The following DCDC1 variants were observed in gnomAD, a reference collection of about 807,000 sequenced individuals.
DCDC1 encodes the protein doublecortin domain-containing protein 1.
In DCDC1, 200 loss-of-function variants were observed where a neutral mutation model predicts 178.3. That is an observed-to-expected ratio of 1.12 (90% CI 1.00 to 1.26). DCDC1 has a LOEUF of 1.26. DCDC1 is among the 50% of genes most tolerant of loss of function. The probability of loss-of-function intolerance (pLI) is 0.00; values close to 1 mark genes in which losing one functional copy is unlikely to be tolerated. For missense variants in DCDC1, 1,983 were observed against 1,749.2 expected, an observed-to-expected ratio of 1.13 and a Z score of -2.38; for synonymous variants, 690 against 604.8, an observed-to-expected ratio of 1.14 and a Z score of -2.07.
chr11:31,057,265 A>AGGGAGGG (rs1565229600), intron 20 of DCDC1, among the ~76,000 whole-genome samples: 1 of 128,224 alleles, frequency 7.8e-6, no homozygotes, highest in African/African-American at 3.0e-5. Context: ...GGAAGGAAGG[A>AGGGAGGG]AGGGAGGGAG....
chr11:31,156,131 A>G (rs139285188), intron 9 of DCDC1: 212 of 152,344 alleles, frequency 1.4e-3, no homozygotes, highest in African/African-American at 4.9e-3. Flanking sequence ...AGGATAAAAT[A>G]TATGAACTTA....
At chr11:31,021,295 T>A (rs1459267110) in intron 20 of DCDC1, among the ~76,000 whole-genome samples, 1 of 152,220 alleles carries the variant, frequency 6.6e-6, no homozygotes, top group Non-Finnish European at 1.5e-5. Flanking sequence ...GAGACAGCAT[T>A]GATTTAAAAA....
chr11:31,133,823 C>A (rs1347464137), intron 10 of DCDC1, among the ~76,000 whole-genome samples: 4 of 152,164 alleles, frequency 2.6e-5, no homozygotes, highest in African/African-American at 7.2e-5. Context: ...CCTGCCTCAG[C>A]CTCCTGAGTA....
chr11:31,120,258 T>C (rs765193211), intron 11 of DCDC1, among the ~76,000 whole-genome samples: 83 of 152,246 alleles, frequency 5.5e-4, no homozygotes, highest in Non-Finnish European at 1.2e-3. Flanking sequence ...AGCCTAAAAA[T>C]GTCTCCAAAT....
chr11:31,122,138 T>C (rs1260354946), intron 11 of DCDC1, among the ~76,000 whole-genome samples: 2 of 152,058 alleles, frequency 1.3e-5, no homozygotes, highest in Non-Finnish European at 2.9e-5. Flanking sequence ...ATGAGTTGAT[T>C]CTGGAATTAA....
At chr11:31,043,026 T>C (rs2135362057) in intron 20 of DCDC1, among the ~76,000 whole-genome samples, 1 of 152,226 alleles carries the variant, frequency 6.6e-6, no homozygotes, top group East Asian at 1.9e-4. Context: ...TCTGAGATGG[T>C]ATCGCCTACT....
chr11:31,087,772 G>A (rs1957570676), intron 17 of DCDC1, among the ~76,000 whole-genome samples: 1 of 152,032 alleles, frequency 6.6e-6, no homozygotes, highest in East Asian at 1.9e-4. Flanking sequence ...AACATGCTAT[G>A]TACTTTAAAA....
chr11:31,307,515 A>G, intron 4 of DCDC1, 124 bp downstream of exon 4: 1 of 1,356,588 alleles, frequency 7.4e-7, no homozygotes, highest in Non-Finnish European at 9.9e-7. Flanking sequence ...CAAAAACAAA[A>G]ACAAAACCCG....
chr11:31,365,826 C>A (rs1166825496), intron 1 of DCDC1, among the ~76,000 whole-genome samples: 2 of 152,120 alleles, frequency 1.3e-5, no homozygotes, highest in African/African-American at 4.8e-5. Flanking sequence ...TTTGCCTATC[C>A]TTTTAATTTA....
At chr11:31,346,889 A>T (rs1377564810) in intron 1 of DCDC1, among the ~76,000 whole-genome samples, 1 of 152,234 alleles carries the variant, frequency 6.6e-6, no homozygotes, top group Non-Finnish European at 1.5e-5. Context: ...AATATTTTAA[A>T]CAAATCATAT....
At chr11:30,967,960 A>C (rs909112136) in intron 20 of DCDC1, among the ~76,000 whole-genome samples, 12 of 152,154 alleles carry the variant, frequency 7.9e-5, no homozygotes, top group Non-Finnish European at 1.6e-4. Flanking sequence ...GAAAAGAATG[A>C]ATATTAGTAG....
chr11:30,885,893 T>G (rs1397939224), intron 36 of DCDC1, among the ~76,000 whole-genome samples: 1 of 152,156 alleles, frequency 6.6e-6, no homozygotes, highest in Non-Finnish European at 1.5e-5. Flanking sequence ...TGTATCAATA[T>G]GTTCATTGCA....
At chr11:31,366,703 A>G (rs1024970230) in intron 1 of DCDC1, among the ~76,000 whole-genome samples, 3 of 152,188 alleles carry the variant, frequency 2.0e-5, no homozygotes, top group Middle Eastern at 3.2e-3. Context: ...AAAGTCAATC[A>G]CTGAGACAAT....
chr11:30,984,152 G>C lies in DCDC1; in HGVS notation c.2592-31584C>G, dbSNP rs550061702. Among the ~76,000 whole-genome samples the C allele has an allele frequency of 1.1e-4, 16 of 152,234 alleles. No homozygotes were observed. The East Asian group carries it at 3.1e-3, about 29-fold the overall frequency. On this transcript the variant is annotated intron_variant, in intron 20 of 38. Coordinates refer to ENST00000684477, the MANE Select transcript of DCDC1 (RefSeq NM_001387274.1). ...CAAAAATAAATGGAGTTTATTCCAT[G>C]GTTTTTAGAGTTTATTTCACGAAGA...
At chr11:31,132,818 A>G (rs1447775903) in intron 10 of DCDC1, among the ~76,000 whole-genome samples, 1 of 152,230 alleles carries the variant, frequency 6.6e-6, no homozygotes, top group Non-Finnish European at 1.5e-5. Flanking sequence ...GAAATGCAGC[A>G]CGGAAGTGAC....
chr11:30,944,257 G>T, intron 21 of DCDC1: 1 of 447,442 alleles, frequency 2.2e-6, no homozygotes. Flanking sequence ...CTTCCTTGTT[G>T]ACTCATAGCT....
At chr11:31,145,476 A>G (rs1014222085) in intron 9 of DCDC1, among the ~76,000 whole-genome samples, 1 of 152,054 alleles carries the variant, frequency 6.6e-6, no homozygotes, top group Non-Finnish European at 1.5e-5. Flanking sequence ...CGACATTCAC[A>G]CTCTGCTCTA....
At chr11:31,075,562 AT>A (rs1162809716) in intron 18 of DCDC1, among the ~76,000 whole-genome samples, 3 of 151,968 alleles carry the variant, frequency 2.0e-5, no homozygotes, top group Non-Finnish European at 4.4e-5. Flanking sequence ...AATATCTGTT[AT>A]TTTTGTCTTC....
Position 30,945,697 on chromosome 11 carries a change from AATCTATCTATCTATCTATCT to A in DCDC1, c.2715+6728_2715+6747del, listed in dbSNP as rs57930562. Among the ~76,000 whole-genome samples the A allele has an allele frequency of 1.1e-4, 16 of 146,740 alleles. No individual in the cohort carries two copies. The South Asian group carries it at 1.1e-3, about 10-fold the overall frequency. ...AACAAGAGCAAAACTCCATCTCAAA[AATCTATCTATCTATCTATCT>A]ATCTATCTATCTATCTATCTATCTA... On this transcript the variant is annotated intron_variant, in intron 21 of 38. Transcript: ENST00000684477.
Sources: allele counts gnomAD v4.1 joint callset (sites outside exome capture counted in the v4.1 genomes callset), GRCh38; gene constraint gnomAD v4.1.1; transcripts MANE v1.5; gene names NCBI Gene and HGNC (gene_info 2026-07-23, HGNC 2026-07-21).